Variants in CCDC40 observed in about 807,000 individuals in gnomAD.
CCDC40 encodes coiled-coil domain 40 molecular ruler complex subunit.
A neutral mutation model predicts 124.5 loss-of-function variants in CCDC40; 104 were observed. The observed-to-expected ratio is 0.84, with a 90% CI of 0.71 to 0.98. The LOEUF (loss-of-function observed/expected upper bound fraction) is 0.98, where lower values mean the gene tolerates loss of function less well. Ranked by LOEUF, CCDC40 falls within the 50% of genes least tolerant of loss-of-function variation. CCDC40 has a pLI of 0.00. For synonymous variants in CCDC40, 580 were observed against 602.9 expected (o/e 0.96, Z 0.56); for missense variants, 1,463 against 1,503.9 (o/e 0.97, Z 0.45).
chr17:80,081,803 C>T lies in CCDC40; in HGVS notation c.1806+14C>T, dbSNP rs754801803. The T allele has an allele frequency of 2.9e-5, 46 of 1,613,916 alleles. No homozygotes were observed. Among genetic ancestry groups the T allele is most frequent in the East Asian group, 8.9e-5 (4 of 44,868 alleles). ...CAGGACCAGCTGGTGAGGCCGGGCC[C>T]GCCCCACAGGTCACACCTGGCGCAC... On this transcript the variant is annotated intron_variant, in intron 11 of 19. Coordinates refer to ENST00000397545, the MANE Select transcript of CCDC40 (RefSeq NM_017950.4).
chr17:80,063,244 C>G (rs956722797), intron 9 of CCDC40, among the ~76,000 whole-genome samples: 1 of 151,960 alleles, frequency 6.6e-6, no homozygotes, highest in African/African-American at 2.4e-5. Flanking sequence ...AATTTGATTT[C>G]GCACACACAC....
intron 12 of CCDC40, among the ~76,000 whole-genome samples, chr17:80,083,143 C>T (rs994173967): frequency 3.3e-5 from 5 of 149,292 alleles, no homozygotes; most frequent in African/African-American, 7.5e-5. Flanking sequence ...AGGAGTGGAG[C>T]GGGGGTGCAG....
chr17:80,062,266 C>T (rs576825153), intron 9 of CCDC40, among the ~76,000 whole-genome samples: 1 of 152,254 alleles, frequency 6.6e-6, no homozygotes, highest in South Asian at 2.1e-4. Context: ...AAGAGCTCTA[C>T]TGACATGGAA....
intron 7 of CCDC40, among the ~76,000 whole-genome samples, chr17:80,056,634 ACAC>A (rs901018338): frequency 9.2e-5 from 14 of 152,178 alleles, no homozygotes; most frequent in Middle Eastern, 3.4e-3. Flanking sequence ...AAGAACAACA[ACAC>A]TTTATTCTCA....
intron 7 of CCDC40, among the ~76,000 whole-genome samples, chr17:80,053,132 T>C (rs1187539189): frequency 6.6e-6 from 1 of 152,212 alleles, no homozygotes; most frequent in Non-Finnish European, 1.5e-5. Flanking sequence ...CAATAGCCAA[T>C]GTCCAGGAGA....
chr17:80,055,516 G>C (rs899975605), intron 7 of CCDC40, among the ~76,000 whole-genome samples: 1 of 151,984 alleles, frequency 6.6e-6, no homozygotes, highest in African/African-American at 2.4e-5. Flanking sequence ...TGTTATGAAA[G>C]GTCATAAAAC....
At chr17:80,061,684 C>T (rs939853422) in intron 9 of CCDC40, among the ~76,000 whole-genome samples, 2 of 152,164 alleles carry the variant, frequency 1.3e-5, no homozygotes, top group African/African-American at 2.4e-5. Flanking sequence ...ACAGCAGGGC[C>T]CCTGTTCATC....
At chr17:80,050,734 G>A (rs2037562264) in intron 7 of CCDC40, among the ~76,000 whole-genome samples, 2 of 152,228 alleles carry the variant, frequency 1.3e-5, no homozygotes, top group Admixed American at 1.3e-4. Context: ...ATGAGACACT[G>A]CACCCGGTTA....
chr17:80,067,510 C>A (rs919277536), intron 10 of CCDC40: 2 of 1,280,926 alleles, frequency 1.6e-6, no homozygotes, highest in Admixed American at 3.9e-5. Context: ...AACAGCGTGT[C>A]CCTAGAGCGC....
At chr17:80,072,229 T>C (rs533889658) in intron 10 of CCDC40, among the ~76,000 whole-genome samples, 1 of 152,312 alleles carries the variant, frequency 6.6e-6, no homozygotes, top group Non-Finnish European at 1.5e-5. Context: ...TACTTTCTAT[T>C]GGTGCCTGCT....
In CCDC40 at chr17:80,048,385, C is replaced by T. The variant is rs1051196201; in HGVS notation, c.677-198C>T. 3 of 633,204 alleles carry T rather than the reference C, an allele frequency of 4.7e-6. No individual in the cohort carries two copies. In the African/African-American group the frequency reaches 5.4e-5, roughly 11 times the overall value. The allele number at this position is 633,204 out of a possible 1,614,324, so 39.2% of individuals were successfully genotyped here. On this transcript the variant is annotated intron_variant, in intron 4 of 19. Coordinates refer to ENST00000397545, the MANE Select transcript of CCDC40 (RefSeq NM_017950.4). ...CTACCTTTAAAACGGGACGCTTTCTCTGGGATGCATTGAGTCAGGGAATAG... is the reference window on the plus strand; with the variant it reads ...CTACCTTTAAAACGGGACGCTTTCTTTGGGATGCATTGAGTCAGGGAATAG...
chr17:80,097,680 C>G, intron 19 of CCDC40: 2 of 473,834 alleles, frequency 4.2e-6, no homozygotes, highest in Non-Finnish European at 7.7e-6. Flanking sequence ...CATTCCTGTG[C>G]TCTTAGAGGT....
chr17:80,065,242 C>T (rs1016536795), intron 9 of CCDC40, among the ~76,000 whole-genome samples: 1 of 135,626 alleles, frequency 7.4e-6, no homozygotes, highest in Non-Finnish European at 1.6e-5. Context: ...TCCCTTCCCT[C>T]CTCCTCCTCA....
chr17:80,060,520 T>C (rs577771241), intron 9 of CCDC40, among the ~76,000 whole-genome samples: 14 of 152,062 alleles, frequency 9.2e-5, no homozygotes, highest in Non-Finnish European at 1.9e-4. Context: ...AACAACACTT[T>C]ATTCTCAACG....
At chr17:80,051,877 T>TA (rs1329424073) in intron 7 of CCDC40, among the ~76,000 whole-genome samples, 1 of 152,210 alleles carries the variant, frequency 6.6e-6, no homozygotes, top group African/African-American at 2.4e-5. Flanking sequence ...TGCTAGGGCT[T>TA]AAAGAGTGGG....
In CCDC40 at chr17:80,049,729, G is replaced by C. The variant is rs141428823; in HGVS notation, c.856-177G>C. ...CTGCAAGTGCCTCAGATGAGACCAT[G>C]AGGTGCCTTTAATTTGTGGCTTCCA... On this transcript the variant is annotated intron_variant, in intron 5 of 19. Coordinates refer to ENST00000397545, the MANE Select transcript of CCDC40 (RefSeq NM_017950.4). Among the ~76,000 whole-genome samples the C allele has an allele frequency of 3.9e-3, 588 of 152,126 alleles. 4 individuals are homozygous for C. Among genetic ancestry groups the C allele is most frequent in the African/African-American group, 0.014 (574 of 41,492 alleles).
intron 9 of CCDC40, among the ~76,000 whole-genome samples, chr17:80,062,259 A>T (rs957141232): frequency 1.2e-4 from 18 of 152,148 alleles, no homozygotes; most frequent in Admixed American, 5.2e-4. Context: ...CACCAAAAAG[A>T]GCTCTACTGA....
chr17:80,099,582 A>C lies in CCDC40; in HGVS notation c.3236A>C (p.Lys1079Thr), dbSNP rs2038877406. 1 of 1,613,354 alleles carries C rather than the reference A, an allele frequency of 6.2e-7. No homozygotes were observed. The highest frequency in any genetic ancestry group is 1.7e-5 in the Admixed American group (1 of 60,008). The change falls in exon 20 of 20, where the codon AAG (lysine) becomes ACG (threonine). Residue 1079 changes from lysine to threonine, a missense_variant. Physicochemically the swap from Lys to Thr is moderately conservative, Grantham distance 78. Transcript: ENST00000397545. ...CGCCTTAAGCACCTGCAGGCTGTGA[A>C]GGAGGGGCGCTACGTGTTCCTGTTC... Reference protein sequence around the residue: ...QTRLKHLQAVKEGRYVFLFRS... With the variant: ...QTRLKHLQAVTEGRYVFLFRS...
chr17:80,061,347 AAAAAC>A (rs762479480), intron 9 of CCDC40, among the ~76,000 whole-genome samples: 110 of 152,330 alleles, frequency 7.2e-4, no homozygotes, highest in Admixed American at 1.1e-3. Flanking sequence ...ATCCATCTCA[AAAAAC>A]AAAACAAAAC....
Sources: allele counts gnomAD v4.1 joint callset (sites outside exome capture counted in the v4.1 genomes callset), GRCh38; gene constraint gnomAD v4.1.1; transcripts MANE v1.5; gene names NCBI Gene and HGNC (gene_info 2026-07-23, HGNC 2026-07-21).